Variants in NRXN3 observed in about 807,000 individuals in gnomAD.
NRXN3 encodes neurexin 3.
A neutral mutation model predicts 137.6 loss-of-function variants in NRXN3; 32 were observed. The observed-to-expected ratio is 0.23, with a 90% CI of 0.18 to 0.31. NRXN3 has a LOEUF of 0.31. Among genes scored for constraint, NRXN3 ranks in the 10% least tolerant of loss-of-function variants. NRXN3 has a pLI of 1.00. For synonymous variants in NRXN3, 798 were observed against 784.5 expected (o/e 1.02, Z -0.29); for missense variants, 1,574 against 2,062.5 (o/e 0.76, Z 4.59).
intron 19 of NRXN3, among the ~76,000 whole-genome samples, chr14:79,710,804 T>TCTATTCCACAAACATTGGGTGTCTC (rs1354577589): frequency 2.4e-4 from 36 of 152,356 alleles, no homozygotes; most frequent in African/African-American, 8.2e-4. Context: ...GAGAACATTT[T>TCTATTCCACAAACATTGGGTGTCTC]CTATTCCACA....
chr14:78,884,127 C>T (rs1474648233), intron 10 of NRXN3, among the ~76,000 whole-genome samples: 1 of 152,040 alleles, frequency 6.6e-6, no homozygotes, highest in Non-Finnish European at 1.5e-5. Flanking sequence ...AGTTCTTCTC[C>T]TAATGGTTTC....
intron 16 of NRXN3, among the ~76,000 whole-genome samples, chr14:79,650,326 C>T (rs779616925): frequency 1.2e-4 from 18 of 152,124 alleles, no homozygotes; most frequent in African/African-American, 3.4e-4. Flanking sequence ...TATATGGGAA[C>T]GTTCCTTCAT....
intron 14 of NRXN3, among the ~76,000 whole-genome samples, chr14:78,983,914 A>G (rs568323320): frequency 3.1e-4 from 47 of 152,126 alleles, no homozygotes; most frequent in African/African-American, 9.4e-4. Flanking sequence ...CTTATTTGCA[A>G]CAACATGGAT....
chr14:78,393,637 A>G (rs146166033), intron 4 of NRXN3, among the ~76,000 whole-genome samples: 2 of 151,970 alleles, frequency 1.3e-5, no homozygotes, highest in Non-Finnish European at 2.9e-5. Context: ...AATCCTGACT[A>G]TCTCTCCCAA....
intron 15 of NRXN3, among the ~76,000 whole-genome samples, chr14:79,062,420 CTT>C (rs1241086472): frequency 2.6e-5 from 4 of 152,260 alleles, no homozygotes; most frequent in East Asian, 1.9e-4. Context: ...ACAGTTCACT[CTT>C]TTTCCAAATA....
At chr14:78,721,413 T>G (rs905830994) in intron 8 of NRXN3, among the ~76,000 whole-genome samples, 4 of 152,172 alleles carry the variant, frequency 2.6e-5, no homozygotes, top group Admixed American at 2.0e-4. Context: ...TTTCACGCTC[T>G]CTCAGGCCCT....
At chr14:78,280,287 T>C (rs36031356) in intron 3 of NRXN3, among the ~76,000 whole-genome samples, 41,919 of 152,098 alleles carry the variant, frequency 0.28, 6,310 homozygotes, top group South Asian at 0.36. Flanking sequence ...TGCATACATA[T>C]ATACACACGT....
chr14:79,461,497 G>A (rs1005456147), intron 15 of NRXN3, among the ~76,000 whole-genome samples: 3 of 151,980 alleles, frequency 2.0e-5, no homozygotes, highest in South Asian at 2.1e-4. Flanking sequence ...AGAGATGAGC[G>A]GCAGAGGAAA....
chr14:79,114,337 G>A (rs1360328023), intron 15 of NRXN3, among the ~76,000 whole-genome samples: 1 of 152,150 alleles, frequency 6.6e-6, no homozygotes, highest in African/African-American at 2.4e-5. Flanking sequence ...TCTGGATGCA[G>A]GCATTCTCTC....
At chr14:78,226,741 T>TA (rs982879599) in intron 1 of NRXN3, among the ~76,000 whole-genome samples, 42 of 151,668 alleles carry the variant, frequency 2.8e-4, no homozygotes, top group African/African-American at 9.4e-4. Context: ...ACTTTTTAAT[T>TA]AAAAAAAAAC....
intron 20 of NRXN3, among the ~76,000 whole-genome samples, chr14:79,830,074 G>A (rs1166269424): frequency 6.6e-6 from 1 of 152,196 alleles, no homozygotes; most frequent in East Asian, 1.9e-4. Context: ...GGCCTGGCAT[G>A]GAAGGTTGGA....
chr14:78,892,439 G>A (rs567779312), intron 10 of NRXN3, among the ~76,000 whole-genome samples: 1 of 151,998 alleles, frequency 6.6e-6, no homozygotes, highest in Non-Finnish European at 1.5e-5. Context: ...TTAAAATCAG[G>A]CAGTGGAAAT....
chr14:79,482,682 G>A (rs938415278), intron 16 of NRXN3, among the ~76,000 whole-genome samples: 5 of 151,882 alleles, frequency 3.3e-5, no homozygotes, highest in Non-Finnish European at 7.4e-5. Flanking sequence ...CTAACCTGGG[G>A]GGGAGAAAAA....
intron 4 of NRXN3, among the ~76,000 whole-genome samples, chr14:78,629,393 G>A (rs967597673): frequency 3.3e-5 from 5 of 152,140 alleles, no homozygotes; most frequent in African/African-American, 1.2e-4. Flanking sequence ...TGCTCAAAAG[G>A]CCCCAGCAGA....
chr14:79,413,500 C>A (rs1323639483), intron 15 of NRXN3, among the ~76,000 whole-genome samples: 1 of 151,958 alleles, frequency 6.6e-6, no homozygotes, highest in Non-Finnish European at 1.5e-5. Flanking sequence ...ATAAGAGTTC[C>A]ACAGTGAGAT....
At position 79,223,555 on chromosome 14, in the gene NRXN3, C is replaced by T. The variant is rs78054161; in HGVS notation, c.3262+235414C>T. ...AATTAAATACTTTTAATGGGAATGT[C>T]ATGTTTTTAAATCACATTTCTTATA... On this transcript the variant is annotated intron_variant, in intron 15 of 20. Transcript: ENST00000335750. Among the ~76,000 whole-genome samples the T allele has an allele frequency of 3.7e-4, 56 of 150,880 alleles. No homozygotes were observed. In the East Asian group the frequency reaches 0.011, roughly 29 times the overall value.
chr14:79,753,811 T>C (rs1190118975), intron 19 of NRXN3, among the ~76,000 whole-genome samples: 1 of 152,060 alleles, frequency 6.6e-6, no homozygotes, highest in Admixed American at 6.6e-5. Flanking sequence ...TGTGAGATTT[T>C]ATATATACAG....
intron 15 of NRXN3, among the ~76,000 whole-genome samples, chr14:79,273,148 G>A (rs1385668821): frequency 3.4e-5 from 5 of 146,130 alleles, no homozygotes; most frequent in African/African-American, 1.0e-4. Context: ...TTCCAGCCAG[G>A]GCGGCAATGC....
intron 15 of NRXN3, among the ~76,000 whole-genome samples, chr14:79,342,970 G>C (rs2092687668): frequency 6.6e-6 from 1 of 152,132 alleles, no homozygotes; most frequent in Admixed American, 6.6e-5. Context: ...TAGGGGCTTG[G>C]GAAGTGGGGA....
Sources: allele counts gnomAD v4.1 joint callset (sites outside exome capture counted in the v4.1 genomes callset), GRCh38; gene constraint gnomAD v4.1.1; transcripts MANE v1.5; gene names NCBI Gene and HGNC (gene_info 2026-07-23, HGNC 2026-07-21).